Variants in UPK3B observed in about 807,000 individuals in gnomAD.
The protein encoded by UPK3B is uroplakin-3b.
UPK3B carries 21 observed loss-of-function variants against 27.6 expected under a neutral mutation model. The ratio of observed to expected loss-of-function variants is 0.76; its 90% CI spans 0.54 to 1.10. The LOEUF (loss-of-function observed/expected upper bound fraction) is 1.10. Among genes scored for constraint, UPK3B ranks in the 50% least tolerant of loss-of-function variants. UPK3B has a pLI of 0.00. For missense variants in UPK3B, 306 were observed against 376.1 expected (o/e 0.81, Z 1.54); for synonymous variants, 141 against 162.3 (o/e 0.87, Z 1.00).
intron 4 of UPK3B, among the ~76,000 whole-genome samples, chr7:76,513,669 T>C (rs1812620082): frequency 6.6e-6 from 1 of 152,062 alleles, no homozygotes; most frequent in Admixed American, 6.5e-5. Flanking sequence ...AGGCCTTGAC[T>C]GCTGGGCTCC....
At position 76,513,177 on chromosome 7, in the gene UPK3B, G is replaced by A; in HGVS notation, c.541+14G>A. Reference sequence around the variant, plus strand: ...CTCTCCACCAAGGTAGCGCTGGGCAGGAGGGGCGCTGCCCCCAGTGGACTC... The same window carrying A: ...CTCTCCACCAAGGTAGCGCTGGGCAAGAGGGGCGCTGCCCCCAGTGGACTC... On this transcript the variant is annotated intron_variant, in intron 4 of 5. Transcript: ENST00000334348. The A allele has an allele frequency of 1.2e-6, 2 of 1,611,932 alleles. No homozygotes were observed. Among genetic ancestry groups the A allele is most frequent in the Non-Finnish European group, 1.7e-6 (2 of 1,178,704 alleles).
In UPK3B at chr7:76,515,145, G is replaced by T. The variant is rs750235393; in HGVS notation, c.772G>T (p.Ala258Ser). 4.4e-6 allele frequency: 7 copies of T among 1,598,042 alleles called. No individual in the cohort carries two copies. Among genetic ancestry groups the T allele is most frequent in the Admixed American group, 1.7e-5 (1 of 57,660 alleles). Reference protein sequence around the residue: ...MTHHIPPREAATLPVGCKPGL... With the variant: ...MTHHIPPREASTLPVGCKPGL... ...CCACCACATCCCACCCAGAGAGGCC[G>T]CCACACTGCCGGTGGGCTGCAAGCC... The change falls in exon 6 of 6, where the codon GCC becomes TCC. Residue 258 changes from alanine to serine, a missense_variant. Ala to Ser is a moderately conservative substitution (Grantham distance 99, BLOSUM62 1). Transcript: ENST00000334348.
intron 3 of UPK3B, among the ~76,000 whole-genome samples, chr7:76,512,160 C>G (rs561284160): frequency 4.6e-5 from 7 of 151,004 alleles, no homozygotes; most frequent in Admixed American, 2.6e-4. Flanking sequence ...GGCCCCTGTC[C>G]CCCACCACGG....
chr7:76,513,367 T>C (rs1812605926), intron 4 of UPK3B, among the ~76,000 whole-genome samples: 2 of 152,108 alleles, frequency 1.3e-5, no homozygotes, highest in Non-Finnish European at 2.9e-5. Flanking sequence ...TCTCGGCCCA[T>C]CCGCAAGCGT....
rs1479259155 is a variant in UPK3B, at chr7:76,515,826, C to G, written c.*622C>G. The G allele has an allele frequency of 9.6e-5, 59 of 611,672 alleles. 24 individuals carry two copies. Among genetic ancestry groups the G allele is most frequent in the Non-Finnish European group, 1.1e-4 (57 of 530,088 alleles). The allele number at this position is 611,672 out of a possible 1,614,324, so 37.9% of individuals were successfully genotyped here. A position where few individuals can be genotyped will look rare whatever the true frequency, so the allele number is the denominator to read the frequency against. ...TGGCTCTAGCCCTTATCCACCCCCT[C>G]AAGCATTTATTAAGCATCTGCTGTA... is the stretch of plus-strand genomic sequence containing the variant. On this transcript the variant is annotated 3_prime_UTR_variant, in exon 6 of 6. Coordinates refer to ENST00000334348, the MANE Select transcript of UPK3B (RefSeq NM_001347684.2).
chr7:76,514,869 G>A (rs1020835520), intron 5 of UPK3B, among the ~76,000 whole-genome samples, 176 bp from the exon 6 acceptor site: 8 of 147,564 alleles, frequency 5.4e-5, no homozygotes, highest in African/African-American at 2.0e-4. Context: ...TCACACCACC[G>A]CACTCCAGCC....
In UPK3B at chr7:76,515,139, G is replaced by T. The variant is rs137995680; in HGVS notation, c.766G>T (p.Glu256Ter). 6.3e-7 allele frequency: 1 copy of T among 1,598,120 alleles called. No homozygotes were observed. Among genetic ancestry groups the T allele is most frequent in the South Asian group, 1.1e-5 (1 of 88,536 alleles). ...RYMTHHIPPREAATLPVGCKP... is the reference protein window; with the variant it reads ...RYMTHHIPPR ...CATGACCCACCACATCCCACCCAGAGAGGCCGCCACACTGCCGGTGGGCTG... is the reference window on the plus strand; with the variant it reads ...CATGACCCACCACATCCCACCCAGATAGGCCGCCACACTGCCGGTGGGCTG... Residue 256 changes from glutamate to a stop codon, truncating the protein, a stop_gained, in exon 6 of 6, where the codon GAG becomes TAG. Transcript: ENST00000334348. LOFTEE classifies it high-confidence loss of function.
Position 76,515,118 on chromosome 7 carries a change from A to ACCC in UPK3B, c.746_748dup (p.Thr249_His250insPro). On this transcript the variant is annotated inframe_insertion, in exon 6 of 6. Transcript: ENST00000334348. ...CTCCTTCATGGGCAAGCGCTACATGACCCACCACATCCCACCCAGAGAGGC... is the reference window on the plus strand; with the variant it reads ...CTCCTTCATGGGCAAGCGCTACATGACCCCCCACCACATCCCACCCAGAGAGGC... The ACCC allele has an allele frequency of 1.2e-6, 2 of 1,600,428 alleles. No homozygotes were observed. The highest frequency in any genetic ancestry group is 1.7e-6 in the Non-Finnish European group (2 of 1,174,876).
At chr7:76,514,563 G>A (rs1357376028) in intron 5 of UPK3B, among the ~76,000 whole-genome samples, 1 of 152,204 alleles carries the variant, frequency 6.6e-6, no homozygotes, top group African/African-American at 2.4e-5. Context: ...TGGCCACCTG[G>A]AGAGGTGGTC....
At position 76,515,378 on chromosome 7, in the gene UPK3B, C is replaced by T; in HGVS notation, c.*174C>T. On this transcript the variant is annotated 3_prime_UTR_variant, in exon 6 of 6. Transcript: ENST00000334348. ...CACCAGCCCCCCTGCCTCTCCTCTGCCTTTCTGGTTTCTCTCCCTCTCCAA... is the reference window on the plus strand; with the variant it reads ...CACCAGCCCCCCTGCCTCTCCTCTGTCTTTCTGGTTTCTCTCCCTCTCCAA... 1 of 1,497,460 alleles carries T rather than the reference C, an allele frequency of 6.7e-7. No individual in the cohort carries two copies. Among genetic ancestry groups the T allele is most frequent in the Non-Finnish European group, 8.9e-7 (1 of 1,125,756 alleles). 92.8% of individuals were successfully genotyped at this position (1,497,460 alleles called of 1,614,324 possible).
rs746293233 is a variant in UPK3B at position 76,511,739 on chromosome 7, G to A, written c.318G>A (p.Thr106=). Residue 106 remains threonine (T), a synonymous_variant, in exon 3 of 6, where the codon ACG becomes ACA. Transcript: ENST00000334348. ...PQLLTDGHYM[T]LPLSPDQLPC... ...TGCTGACCGATGGCCACTACATGAC[G>A]CTGCCCCTGTCTCCGGACCAGCTGC... 5.0e-6 allele frequency: 8 copies of A among 1,611,512 alleles called. No homozygotes were observed. Among genetic ancestry groups the A allele is most frequent in the East Asian group, 4.5e-5 (2 of 44,840 alleles).
chr7:76,512,316 G>A (rs1812560466), intron 3 of UPK3B, among the ~76,000 whole-genome samples: 1 of 150,418 alleles, frequency 6.6e-6, no homozygotes, highest in African/African-American at 2.4e-5. Context: ...CATCGGGGTG[G>A]AGCCGGGATG....
Position 76,516,471 on chromosome 7 carries a change from A to AC in UPK3B, c.*1270dup, listed in dbSNP as rs1367675431. ...TGCCAGCGGAGGGAGCCCGGTGGTG[A>AC]CCCTTGGTCTGCAGCCCTCTTTGGA... On this transcript the variant is annotated 3_prime_UTR_variant, in exon 6 of 6. Transcript: ENST00000334348. 14 of 611,174 alleles carry AC rather than the reference A, an allele frequency of 2.3e-5. 6 individuals are homozygous for AC. In the African/African-American group the frequency reaches 5.9e-4, roughly 26 times the overall value. 37.9% of individuals were successfully genotyped at this position (611,174 alleles called of 1,614,324 possible). A position where few individuals can be genotyped will look rare whatever the true frequency, so the allele number is the denominator to read the frequency against.
rs562309495 is a variant in UPK3B, at chr7:76,510,904, G to A, written c.87G>A (p.Glu29=). The A allele has an allele frequency of 1.0e-4, 164 of 1,592,716 alleles. 2 individuals carry two copies. In the South Asian group the frequency reaches 1.7e-3, roughly 17 times the overall value. ...ACCTTTTGTCCCCCGTGGCCACAGA[G>A]CTGGTGCCCTACACACCACAGATAA... ...LNCLRPSLSL[E]LVPYTPQITA... is the part of the protein sequence containing the mutation. Residue 29 remains glutamate (E), a splice_region_variant and synonymous_variant, in exon 2 of 6, where the codon GAG becomes GAA. Coordinates refer to ENST00000334348, the MANE Select transcript of UPK3B (RefSeq NM_001347684.2).
chr7:76,514,238 T>G (rs1371471155), intron 5 of UPK3B, among the ~76,000 whole-genome samples, 162 bp downstream of exon 5: 1 of 152,124 alleles, frequency 6.6e-6, no homozygotes, highest in Non-Finnish European at 1.5e-5. Context: ...ACTGCTGGGC[T>G]CAAGCGATCC....
chr7:76,514,034 G>A lies in UPK3B; in HGVS notation c.629G>A (p.Gly210Asp). The A allele has an allele frequency of 2.5e-6, 4 of 1,614,006 alleles. No individual in the cohort carries two copies. The highest frequency in any genetic ancestry group is 1.6e-4 in the Middle Eastern group (1 of 6,062). ...VITSILSSLAGLLLLAFLAAS... is the reference protein window; with the variant it reads ...VITSILSSLADLLLLAFLAAS... ...ACCTCCATCCTCTCTTCTCTGGCCG[G>A]CCTCCTACTCTTGGCCTTCTTGGCA... The change falls in exon 5 of 6, where the codon GGC (glycine) becomes GAC (aspartate). Residue 210 changes from glycine to aspartate, a missense_variant. By Grantham distance (94) the Gly-to-Asp change is moderately conservative (BLOSUM62 -1). Coordinates refer to ENST00000334348, the MANE Select transcript of UPK3B (RefSeq NM_001347684.2).
At chr7:76,514,880 T>G (rs1812671666) in intron 5 of UPK3B, among the ~76,000 whole-genome samples, 165 bp from the exon 6 acceptor site, 1 of 139,940 alleles carries the variant, frequency 7.1e-6, no homozygotes, top group African/African-American at 2.8e-5. Context: ...CACTCCAGCC[T>G]GGGTGACAGA....
In UPK3B at chr7:76,511,666, G is replaced by C; in HGVS notation, c.245G>C (p.Gly82Ala). The change falls in exon 3 of 6, where the codon GGC becomes GCC. Residue 82 changes from glycine to alanine, a missense_variant. By Grantham distance (60) the Gly-to-Ala change is moderately conservative. This residue lies in a region of UPK3B where 78 missense variants were observed against 120.2 expected (regional missense o/e 0.65). Coordinates refer to ENST00000334348, the MANE Select transcript of UPK3B (RefSeq NM_001347684.2). ...TTCTCTCCTCCTGCAGCCTCCAGGG[G>C]CTTCCAGAACCCGGAGACACTGGCT... is the stretch of plus-strand genomic sequence containing the variant. ...LVVAFSNASR[G>A]FQNPETLADI... is the part of the protein sequence containing the mutation. The C allele has an allele frequency of 6.3e-7, 1 of 1,593,034 alleles. No homozygotes were observed. The highest frequency in any genetic ancestry group is 2.3e-5 in the East Asian group (1 of 44,158).
At chr7:76,514,712 C>T (rs1310003544) in intron 5 of UPK3B, among the ~76,000 whole-genome samples, 2 of 152,022 alleles carry the variant, frequency 1.3e-5, no homozygotes, top group African/African-American at 4.8e-5. Context: ...TCAAGACCAG[C>T]CTGAGCAACA....
Sources: gnomAD v4.1 joint callset for allele counts (sites outside exome capture counted in the v4.1 genomes callset) on GRCh38, gnomAD v4.1.1 for gene constraint, gnomAD v4.1.1 regional missense constraint, MANE v1.5 for transcripts, NCBI Gene and HGNC (gene_info 2026-07-23, HGNC 2026-07-21) for gene names.